Variants in CNBD1 observed in about 807,000 individuals in gnomAD.
CNBD1 encodes cyclic nucleotide binding domain containing 1, also known as cyclic nucleotide-binding domain-containing protein 1.
A neutral mutation model predicts 54.4 loss-of-function variants in CNBD1; 71 were observed. That is an observed-to-expected ratio of 1.30 (90% CI 1.08 to 1.59). The LOEUF (loss-of-function observed/expected upper bound fraction) is 1.59. Ranked by LOEUF, CNBD1 falls within the 40% of genes most tolerant of loss-of-function variation. The pLI is 0.00. For synonymous variants in CNBD1, 182 were observed against 170.7 expected, an observed-to-expected ratio of 1.07 and a Z score of -0.51; for missense variants, 659 against 518.0, an observed-to-expected ratio of 1.27 and a Z score of -2.64.
chr8:87,338,068 A>C (rs1027341971), intron 8 of CNBD1, among the ~76,000 whole-genome samples: 2 of 152,176 alleles, frequency 1.3e-5, no homozygotes, highest in African/African-American at 4.8e-5. Flanking sequence ...ACTTAAAAGA[A>C]ATTAGAGGTT....
rs1269345180 is a variant in CNBD1, at chr8:87,267,041, A to G, written c.772-17637A>G. Among the ~76,000 whole-genome samples, 3 of 152,206 alleles carry G rather than the reference A, an allele frequency of 2.0e-5. No homozygotes were observed. In the East Asian group the frequency reaches 5.8e-4, roughly 29 times the overall value. ...GTTTAAAATCAGCAGCCATTTGTTC[A>G]TCCAGAGATATTCTAAGTAAATGAA... is the stretch of plus-strand genomic sequence containing the variant. On this transcript the variant is annotated intron_variant, in intron 6 of 10. Transcript: ENST00000518476.
intron 10 of CNBD1, among the ~76,000 whole-genome samples, chr8:87,365,094 A>C (rs1223615122): frequency 6.6e-6 from 1 of 151,916 alleles, no homozygotes; most frequent in African/African-American, 2.4e-5. Flanking sequence ...GTTGAACCTA[A>C]TTTACACTCG....
rs117714103 is a variant in CNBD1 at position 87,356,033 on chromosome 8, A to G, written c.1303+2247A>G. On this transcript the variant is annotated intron_variant, in intron 10 of 10. Transcript: ENST00000518476. ...CATGTGACACACCTGCTCCTCTTCC[A>G]TTTTCCACCATGAATAAAACCTTCC... is the stretch of plus-strand genomic sequence containing the variant. Among the ~76,000 whole-genome samples, 67 of 152,032 alleles carry G rather than the reference A, an allele frequency of 4.4e-4. No homozygotes were observed. In the East Asian group the frequency reaches 0.013, roughly 29 times the overall value.
intron 8 of CNBD1, among the ~76,000 whole-genome samples, chr8:87,312,359 A>G (rs561708001): frequency 6.6e-6 from 1 of 152,140 alleles, no homozygotes; most frequent in South Asian, 2.1e-4. Flanking sequence ...TTGCTGCATG[A>G]TTAGTTTGAT....
At chr8:87,144,711 C>A (rs947451181) in intron 4 of CNBD1, among the ~76,000 whole-genome samples, 2 of 151,698 alleles carry the variant, frequency 1.3e-5, no homozygotes, top group African/African-American at 4.8e-5. Flanking sequence ...ATCCCAGCTA[C>A]TTGGGAGGCT....
At chr8:87,368,528 C>T (rs964372908) in intron 10 of CNBD1, among the ~76,000 whole-genome samples, 4 of 151,652 alleles carry the variant, frequency 2.6e-5, no homozygotes, top group Non-Finnish European at 4.4e-5. Context: ...GTCCCAGCTA[C>T]TTGGTGGACT....
chr8:87,385,275 G>C (rs1379373674), downstream of CNBD1, among the ~76,000 whole-genome samples: 1 of 152,080 alleles, frequency 6.6e-6, no homozygotes, highest in Non-Finnish European at 1.5e-5. Flanking sequence ...GGTGGGTGCA[G>C]GACAGTGGGT....
chr8:87,123,032 T>C (rs1811920486), intron 4 of CNBD1, among the ~76,000 whole-genome samples: 1 of 151,902 alleles, frequency 6.6e-6, no homozygotes, highest in South Asian at 2.1e-4. Context: ...TCAGGACCTT[T>C]TGTGATTCCA....
At chr8:87,199,346 A>G (rs2130792258) in intron 4 of CNBD1, among the ~76,000 whole-genome samples, 1 of 152,328 alleles carries the variant, frequency 6.6e-6, no homozygotes, top group South Asian at 2.1e-4. Flanking sequence ...TTGAGTTGCC[A>G]AAAGGAAGGT....
intron 4 of CNBD1, among the ~76,000 whole-genome samples, chr8:87,139,456 A>C (rs1262640751): frequency 6.6e-6 from 1 of 152,188 alleles, no homozygotes; most frequent in Non-Finnish European, 1.5e-5. Context: ...AAGAGAACCC[A>C]GGAAGCCAGT....
At chr8:87,179,209 T>C (rs1268613642) in intron 4 of CNBD1, among the ~76,000 whole-genome samples, 1 of 152,192 alleles carries the variant, frequency 6.6e-6, no homozygotes, top group East Asian at 1.9e-4. Context: ...AAGACTTCAA[T>C]TGAATAATTG....
chr8:87,359,659 T>C (rs1249720826), intron 10 of CNBD1, among the ~76,000 whole-genome samples: 1 of 152,064 alleles, frequency 6.6e-6, no homozygotes, highest in African/African-American at 2.4e-5. Flanking sequence ...TTATTTGAAA[T>C]ATAGATCCAC....
intron 4 of CNBD1, among the ~76,000 whole-genome samples, chr8:87,141,505 A>G (rs1272478454): frequency 6.6e-6 from 1 of 152,122 alleles, no homozygotes; most frequent in Non-Finnish European, 1.5e-5. Context: ...ACTATAGGCA[A>G]TGTCCGTTTA....
chr8:87,027,178 G>A (rs1371383376), intron 4 of CNBD1, among the ~76,000 whole-genome samples: 2 of 102,992 alleles, frequency 1.9e-5, no homozygotes, highest in Non-Finnish European at 3.7e-5. Context: ...CACCAGTTTA[G>A]AGGCTACTTT....
chr8:87,115,416 T>C (rs189302556), intron 4 of CNBD1, among the ~76,000 whole-genome samples: 48 of 152,310 alleles, frequency 3.2e-4, no homozygotes, highest in Middle Eastern at 6.8e-3. Flanking sequence ...ATATTAATCA[T>C]TTTACAATCA....
chr8:87,407,078 T>C (rs1287002993), intron 2 of CNBD1, among the ~76,000 whole-genome samples: 2 of 152,072 alleles, frequency 1.3e-5, no homozygotes, highest in Non-Finnish European at 2.9e-5. Context: ...TAAATTTTTA[T>C]AAAATGAACC....
chr8:87,304,683 C>T (rs1208136662), intron 8 of CNBD1, among the ~76,000 whole-genome samples: 1 of 151,740 alleles, frequency 6.6e-6, no homozygotes, highest in Admixed American at 6.6e-5. Flanking sequence ...TCAATAGATG[C>T]AGAAAAAGCA....
chr8:87,346,404 T>C (rs1810176840), intron 8 of CNBD1, among the ~76,000 whole-genome samples: 1 of 151,982 alleles, frequency 6.6e-6, no homozygotes, highest in South Asian at 2.1e-4. Context: ...TAATATTAAT[T>C]TAATAATACT....
At chr8:87,364,676 A>T (rs1449989946) in intron 10 of CNBD1, among the ~76,000 whole-genome samples, 1 of 151,278 alleles carries the variant, frequency 6.6e-6, no homozygotes, top group East Asian at 2.0e-4. Context: ...CCCAGTGTGT[A>T]TTGTTCCCCT....
Sources: allele counts gnomAD v4.1 joint callset (sites outside exome capture counted in the v4.1 genomes callset), GRCh38; gene constraint gnomAD v4.1.1; transcripts MANE v1.5; gene names NCBI Gene and HGNC (gene_info 2026-07-23, HGNC 2026-07-21).